EPHA3: variants seen among roughly 807,000 people sequenced by gnomAD.
EPHA3 encodes EPH receptor A3, also known as ephrin type-A receptor 3.
In EPHA3, 42 loss-of-function variants were observed where a neutral mutation model predicts 107.1. That is an observed-to-expected ratio of 0.39 (90% CI 0.31 to 0.51). The LOEUF (loss-of-function observed/expected upper bound fraction) is 0.51. Ranked by LOEUF, EPHA3 falls within the 20% of genes least tolerant of loss-of-function variation. EPHA3 has a pLI of 0.78. For missense variants in EPHA3, 1,183 were observed against 1,211.2 expected (o/e 0.98, Z 0.35); for synonymous variants, 461 against 424.8 (o/e 1.09, Z -1.05).
chr3:89,212,533 T>G (rs1424164109), intron 3 of EPHA3, among the ~76,000 whole-genome samples: 1 of 152,084 alleles, frequency 6.6e-6, no homozygotes, highest in Non-Finnish European at 1.5e-5. Context: ...CTTACTGGTT[T>G]TCTCTTTTTA....
In EPHA3 at chr3:89,453,046, A is replaced by G. The variant is rs1195902618; in HGVS notation, c.2690+2676A>G. Among the ~76,000 whole-genome samples, 8 of 152,138 alleles carry G rather than the reference A, an allele frequency of 5.3e-5. No homozygotes were observed. In the East Asian group the frequency reaches 1.5e-3, roughly 29 times the overall value. On this transcript the variant is annotated intron_variant, in intron 15 of 16. Coordinates refer to ENST00000336596, the MANE Select transcript of EPHA3 (RefSeq NM_005233.6). ...ACTACCCATAACTTATTCCATAAGG[A>G]TAAATATCTATCCCAAACTTCACAG... is the stretch of plus-strand genomic sequence containing the variant.
At chr3:89,180,818 G>A (rs1705427484) in intron 2 of EPHA3, among the ~76,000 whole-genome samples, 1 of 151,918 alleles carries the variant, frequency 6.6e-6, no homozygotes, top group African/African-American at 2.4e-5. Context: ...TTTTTTGTAA[G>A]TGAAGTGCAT....
At chr3:89,115,445 A>G (rs1707228948) in intron 1 of EPHA3, among the ~76,000 whole-genome samples, 1 of 152,116 alleles carries the variant, frequency 6.6e-6, no homozygotes. Context: ...GGGAGTAAAC[A>G]TGGAATGGGC....
At chr3:89,244,552 A>G (rs1485891533) in intron 3 of EPHA3, among the ~76,000 whole-genome samples, 1 of 152,118 alleles carries the variant, frequency 6.6e-6, no homozygotes, top group Non-Finnish European at 1.5e-5. Flanking sequence ...TGTAATTCAT[A>G]CCAAAGTATG....
Position 89,210,234 on chromosome 3 carries a change from G to A in EPHA3, c.528G>A (p.Lys176=), listed in dbSNP as rs1389099937. The A allele has an allele frequency of 3.1e-6, 5 of 1,614,050 alleles. No homozygotes were observed. Among genetic ancestry groups the A allele is most frequent in the Non-Finnish European group, 4.2e-6 (5 of 1,179,954 alleles). ...TEIREVGPVN[K]KGFYLAFQDV... ...TTAGAGAAGTAGGTCCTGTCAACAA[G>A]AAGGGATTTTATTTGGCATTTCAAG... is the stretch of plus-strand genomic sequence containing the variant. Residue 176 remains lysine, a synonymous_variant, in exon 3 of 17, where the codon AAG becomes AAA. Transcript: ENST00000336596.
intron 1 of EPHA3, among the ~76,000 whole-genome samples, chr3:89,109,686 G>T (rs1707055196): frequency 6.6e-6 from 1 of 151,948 alleles, no homozygotes; most frequent in South Asian, 2.1e-4. Context: ...TTGCTTTTAA[G>T]CCTCACCTCA....
At chr3:89,392,358 G>A (rs1708761699) in intron 5 of EPHA3, among the ~76,000 whole-genome samples, 1 of 151,770 alleles carries the variant, frequency 6.6e-6, no homozygotes, top group African/African-American at 2.4e-5. Context: ...AGAGTCTCTT[G>A]AACCCGAGAA....
chr3:89,136,329 G>GTTTTTTTTTTTTTTTTTTTT (rs1559747476), intron 2 of EPHA3, among the ~76,000 whole-genome samples: 1 of 23,870 alleles, frequency 4.2e-5, no homozygotes, highest in African/African-American at 1.9e-4. Context: ...AATCTTACAG[G>GTTTTTTTTTTTTTTTTTTTT]CTTTTTTTTT....
intron 13 of EPHA3, among the ~76,000 whole-genome samples, chr3:89,439,723 G>T (rs1311785915): frequency 1.5e-5 from 2 of 133,222 alleles, no homozygotes; most frequent in East Asian, 2.3e-4. Context: ...TCATATTAAG[G>T]CACACACACA....
At chr3:89,456,247 T>C (rs1473153857) in intron 15 of EPHA3, among the ~76,000 whole-genome samples, 2 of 151,986 alleles carry the variant, frequency 1.3e-5, no homozygotes, top group African/African-American at 2.4e-5. Context: ...AAAAATTTAA[T>C]AGGAGACTTC....
chr3:89,431,046 A>G lies in EPHA3; in HGVS notation c.2137-104A>G, dbSNP rs1467357424. The G allele has an allele frequency of 5.9e-6, 7 of 1,179,054 alleles. No individual in the cohort carries two copies. The African/African-American group carries it at 9.2e-5, about 16-fold the overall frequency. 73.0% of individuals were successfully genotyped at this position (1,179,054 alleles called of 1,614,324 possible). A position where few individuals can be genotyped will look rare whatever the true frequency, so the allele number is the denominator to read the frequency against. The stretch of plus-strand genomic sequence containing the variant: ...GAGTGCTTAGGACTAAAGTGTGTAT[A>G]GTCAGTCTTGTTACAAAATTCAATA... On this transcript the variant is annotated intron_variant, in intron 12 of 16. Transcript: ENST00000336596.
intron 7 of EPHA3, among the ~76,000 whole-genome samples, chr3:89,405,967 C>A (rs573718306): frequency 6.6e-6 from 1 of 152,042 alleles, no homozygotes; most frequent in African/African-American, 2.4e-5. Context: ...TTATAAAGAG[C>A]CAAAATTTTC....
chr3:89,187,033 G>T (rs1705583224), intron 2 of EPHA3, among the ~76,000 whole-genome samples: 1 of 151,690 alleles, frequency 6.6e-6, no homozygotes, highest in Non-Finnish European at 1.5e-5. Context: ...AATTATAAAA[G>T]TGTATTGAAC....
intron 3 of EPHA3, among the ~76,000 whole-genome samples, chr3:89,216,937 G>T (rs1049190775): frequency 7.2e-5 from 11 of 152,216 alleles, no homozygotes; most frequent in Non-Finnish European, 1.3e-4. Flanking sequence ...CTGAGAACTA[G>T]ATCTTTTTTT....
chr3:89,277,850 C>T (rs1705847074), intron 3 of EPHA3, among the ~76,000 whole-genome samples: 1 of 152,090 alleles, frequency 6.6e-6, no homozygotes, highest in African/African-American at 2.4e-5. Flanking sequence ...CCTTTTTAAA[C>T]ATCTTTCACA....
intron 5 of EPHA3, among the ~76,000 whole-genome samples, chr3:89,364,992 G>A (rs1708161164): frequency 6.6e-6 from 1 of 150,880 alleles, no homozygotes; most frequent in African/African-American, 2.4e-5. Flanking sequence ...CCAACACTGT[G>A]CTGTATGTTG....
intron 2 of EPHA3, among the ~76,000 whole-genome samples, chr3:89,204,954 G>T (rs1363576020): frequency 6.6e-6 from 1 of 152,144 alleles, no homozygotes; most frequent in Non-Finnish European, 1.5e-5. Flanking sequence ...TCAGCATTTT[G>T]TAAAGCGCAG....
chr3:89,219,924 G>T (rs1387724246), intron 3 of EPHA3, among the ~76,000 whole-genome samples: 1 of 148,942 alleles, frequency 6.7e-6, no homozygotes, highest in Non-Finnish European at 1.5e-5. Flanking sequence ...TAGCCGGGAT[G>T]GTCTCGATCT....
intron 3 of EPHA3, among the ~76,000 whole-genome samples, chr3:89,262,302 T>C (rs996991434): frequency 4.6e-5 from 7 of 152,192 alleles, no homozygotes; most frequent in Admixed American, 6.5e-5. Flanking sequence ...AGAATATATT[T>C]TTAATTGTTC....
Sources: allele counts gnomAD v4.1 joint callset (sites outside exome capture counted in the v4.1 genomes callset), GRCh38; gene constraint gnomAD v4.1.1; transcripts MANE v1.5; gene names NCBI Gene and HGNC (gene_info 2026-07-23, HGNC 2026-07-21).